GSDME: variants seen among roughly 807,000 people sequenced by gnomAD.
The protein encoded by GSDME is gasdermin E.
In GSDME, 44 loss-of-function variants were observed where a neutral mutation model predicts 47.5. That is an observed-to-expected ratio of 0.93 (90% CI 0.73 to 1.19). The LOEUF (loss-of-function observed/expected upper bound fraction) is 1.19. Among genes scored for constraint, GSDME ranks in the 50% most tolerant of loss-of-function variants. The pLI is 0.00. For missense variants in GSDME, 663 were observed against 604.2 expected (o/e 1.10, Z -1.02); for synonymous variants, 258 against 252.8 (o/e 1.02, Z -0.20).
rs544935761 is a variant in GSDME at position 24,703,036 on chromosome 7, T to C, written c.1184-203A>G. Reference sequence around the variant, plus strand: ...TAGAAAACAGATGTAGGAACCCAGCTGCCAGCTCTGCATTCCACAGAGGAT... The same window carrying C: ...TAGAAAACAGATGTAGGAACCCAGCCGCCAGCTCTGCATTCCACAGAGGAT... On this transcript the variant is annotated intron_variant, in intron 8 of 9. Transcript: ENST00000645220. The C allele has an allele frequency of 2.1e-5, 11 of 513,562 alleles. No homozygotes were observed. In the East Asian group the frequency reaches 3.8e-4, roughly 18 times the overall value. 31.8% of individuals were successfully genotyped at this position (513,562 alleles called of 1,614,324 possible).
At position 24,736,877 on chromosome 7, in the gene GSDME, C is replaced by G. The variant is rs1465852113; in HGVS notation, c.404+7685G>C. Among the ~76,000 whole-genome samples the G allele has an allele frequency of 6.6e-6, 1 of 152,078 alleles. No homozygotes were observed. The highest frequency in any genetic ancestry group is 1.9e-4 in the East Asian group (1 of 5,196). On this transcript the variant is annotated intron_variant, in intron 3 of 9. Transcript: ENST00000645220. The surrounding 1 kb of genome is among the most constrained non-coding windows in gnomAD (Gnocchi z 4.6). ...AACAAGGGGAATTTGTGAAACTATG[C>G]AAATACATGGAAATTAAACAACATG...
At position 24,702,745 on chromosome 7, in the gene GSDME, T is replaced by G; in HGVS notation, c.1257+15A>C. The G allele has an allele frequency of 6.2e-7, 1 of 1,611,614 alleles. No individual in the cohort carries two copies. Among genetic ancestry groups the G allele is most frequent in the African/African-American group, 1.3e-5 (1 of 75,020 alleles). On this transcript the variant is annotated intron_variant, in intron 9 of 9. Coordinates refer to ENST00000645220, the MANE Select transcript of GSDME (RefSeq NM_001127453.2). ...TTCCTATCCATTCTAAGGTCCCACC[T>G]GGGAGGTTGCTTACCAAGTGGCACA...
intron 1 of GSDME, among the ~76,000 whole-genome samples, chr7:24,753,278 TC>T (rs1790913680): frequency 6.6e-6 from 1 of 152,198 alleles, no homozygotes; most frequent in Non-Finnish European, 1.5e-5. Flanking sequence ...TTCACTCCTC[TC>T]CCCTTCAGCC....
intron 7 of GSDME, among the ~76,000 whole-genome samples, chr7:24,706,676 A>G (rs1789121480): frequency 6.6e-6 from 1 of 152,220 alleles, no homozygotes; most frequent in Admixed American, 6.5e-5. Context: ...GTGGTTACAC[A>G]CAGAACTGGG....
At chr7:24,752,874 A>G (rs1790900363) in intron 1 of GSDME, among the ~76,000 whole-genome samples, 1 of 152,232 alleles carries the variant, frequency 6.6e-6, no homozygotes, top group Non-Finnish European at 1.5e-5. Context: ...CAGGCTTGCC[A>G]TTAAAAAACA....
chr7:24,737,223 T>A (rs1229090284), intron 3 of GSDME, among the ~76,000 whole-genome samples: 2 of 151,794 alleles, frequency 1.3e-5, no homozygotes, highest in African/African-American at 2.4e-5. Flanking sequence ...TTTGTTTTTT[T>A]AAAAAGATAA....
At chr7:24,748,159 TATATA>T (rs1562714860) in intron 2 of GSDME, among the ~76,000 whole-genome samples, 43 of 118,500 alleles carry the variant, frequency 3.6e-4, no homozygotes, top group African/African-American at 1.2e-3. Context: ...TATATATATA[TATATA>T]TATATTTTTT....
Position 24,756,904 on chromosome 7 carries a change from G to C in GSDME, c.-20+492C>G, listed in dbSNP as rs985954897. Among the ~76,000 whole-genome samples, 4 of 152,090 alleles carry C rather than the reference G, an allele frequency of 2.6e-5. No individual in the cohort carries two copies. Among genetic ancestry groups the C allele is most frequent in the African/African-American group, 9.7e-5 (4 of 41,414 alleles). On this transcript the variant is annotated intron_variant, in intron 1 of 9. Coordinates refer to ENST00000645220, the MANE Select transcript of GSDME (RefSeq NM_001127453.2). The surrounding 1 kb of genome is among the most constrained non-coding windows in gnomAD (Gnocchi z 4.2). ...GCAAAGTGGAGGGGGACTTTTTTCC[G>C]TCCAGAGAGACTGAACTCCGTATCT...
At chr7:24,794,995 A>T in the GSDME span, among the ~76,000 whole-genome samples, 3 of 152,160 alleles carry the variant, frequency 2.0e-5, no homozygotes, top group African/African-American at 7.2e-5. Context: ...AGTCAAAATC[A>T]AAACCAAAAC....
At position 24,735,716 on chromosome 7, in the gene GSDME, C is replaced by G. The variant is rs1790282604; in HGVS notation, c.404+8846G>C. Among the ~76,000 whole-genome samples the G allele has an allele frequency of 6.6e-6, 1 of 151,756 alleles. No individual in the cohort carries two copies. The highest frequency in any genetic ancestry group is 1.5e-5 in the Non-Finnish European group (1 of 67,982). ...GAGGTTGCGATGAGCCGAGATTGCA[C>G]CACTGCACTCCAGCCTGGGTGACAA... On this transcript the variant is annotated intron_variant, in intron 3 of 9. Coordinates refer to ENST00000645220, the MANE Select transcript of GSDME (RefSeq NM_001127453.2). The surrounding 1 kb of genome is among the most constrained non-coding windows in gnomAD (Gnocchi z 4.4).
At chr7:24,730,157 G>C (rs942170411) in intron 3 of GSDME, among the ~76,000 whole-genome samples, 13 of 152,202 alleles carry the variant, frequency 8.5e-5, no homozygotes, top group Non-Finnish European at 1.6e-4. Flanking sequence ...TTGAGTCTCT[G>C]TGTCAAACAC....
chr7:24,772,480 G>A, the GSDME span, among the ~76,000 whole-genome samples: 1 of 152,200 alleles, frequency 6.6e-6, no homozygotes, highest in Non-Finnish European at 1.5e-5. This position sits in a 1 kb window ranked among gnomAD's most constrained non-coding sequence, Gnocchi z 4.5. Context: ...GCTCACTGCT[G>A]TGTCCTCAGT....
Position 24,714,242 on chromosome 7 carries a change from A to G in GSDME, c.697+3012T>C, listed in dbSNP as rs1789460027. ...CATGGCTGAAGCACCTGGCCGGGAT[A>G]CAGATGGAGTCTGCCTCCCTTCGAG... On this transcript the variant is annotated intron_variant, in intron 5 of 9. Coordinates refer to ENST00000645220, the MANE Select transcript of GSDME (RefSeq NM_001127453.2). This position sits in a 1 kb window ranked among gnomAD's most constrained non-coding sequence, Gnocchi z 5.0. Among the ~76,000 whole-genome samples, 1 of 152,192 alleles carries G rather than the reference A, an allele frequency of 6.6e-6. No individual in the cohort carries two copies. The highest frequency in any genetic ancestry group is 1.5e-5 in the Non-Finnish European group (1 of 68,036).
rs1027667187 is a variant in GSDME at position 24,724,254 on chromosome 7, T to C, written c.405-5036A>G. ...TGGAGGACAAAGTACTTGCTCTTTTTATTGGTGCCTAGCCCTGTGCTATCC... is the reference window on the plus strand; with the variant it reads ...TGGAGGACAAAGTACTTGCTCTTTTCATTGGTGCCTAGCCCTGTGCTATCC... On this transcript the variant is annotated intron_variant, in intron 3 of 9. Transcript: ENST00000645220. This position sits in a 1 kb window ranked among gnomAD's most constrained non-coding sequence, Gnocchi z 4.8. 1.3e-5 allele frequency among the ~76,000 whole-genome samples: 2 copies of C among 152,118 alleles called. No individual in the cohort carries two copies. Among genetic ancestry groups the C allele is most frequent in the African/African-American group, 4.8e-5 (2 of 41,400 alleles).
the GSDME span, among the ~76,000 whole-genome samples, chr7:24,791,947 G>T: frequency 6.6e-6 from 1 of 152,236 alleles, no homozygotes; most frequent in African/African-American, 2.4e-5. The surrounding 1 kb of genome is among the most constrained non-coding windows in gnomAD (Gnocchi z 4.8). Context: ...CCCACAGGGT[G>T]CTGGACTTTG....
the GSDME span, among the ~76,000 whole-genome samples, chr7:24,786,520 A>G: frequency 6.6e-6 from 1 of 152,168 alleles, no homozygotes; most frequent in African/African-American, 2.4e-5. The surrounding 1 kb of genome is among the most constrained non-coding windows in gnomAD (Gnocchi z 5.5). Context: ...GGTTGTTGTG[A>G]GGCTTTCGGA....
chr7:24,766,290 C>CTTTATTTATTTA, the GSDME span, among the ~76,000 whole-genome samples: 96 of 150,370 alleles, frequency 6.4e-4, no homozygotes, highest in African/African-American at 2.3e-3. The surrounding 1 kb of genome is among the most constrained non-coding windows in gnomAD (Gnocchi z 4.2). Context: ...CTGCACAACA[C>CTTTATTTATTTA]TTTATTTATT....
rs1181563131 is a variant in GSDME at position 24,721,764 on chromosome 7, A to C, written c.405-2546T>G. On this transcript the variant is annotated intron_variant, in intron 3 of 9. Transcript: ENST00000645220. The surrounding 1 kb of genome is among the most constrained non-coding windows in gnomAD (Gnocchi z 4.1). Reference sequence around the variant, plus strand: ...GTTTCCACATCACTCCCTTCTTAAAAGCCTTCAATGGCTATATCCCATGTC... The same window carrying C: ...GTTTCCACATCACTCCCTTCTTAAACGCCTTCAATGGCTATATCCCATGTC... Among the ~76,000 whole-genome samples the C allele has an allele frequency of 6.6e-6, 1 of 152,192 alleles. No homozygotes were observed. The highest frequency in any genetic ancestry group is 6.5e-5 in the Admixed American group (1 of 15,288).
chr7:24,713,596 G>C (rs912082731), intron 5 of GSDME, among the ~76,000 whole-genome samples: 9 of 152,204 alleles, frequency 5.9e-5, no homozygotes, highest in African/African-American at 9.6e-5. Flanking sequence ...CCAGACCTCA[G>C]TGAGATCACG....
Sources: gnomAD v4.1 joint callset for allele counts (sites outside exome capture counted in the v4.1 genomes callset) on GRCh38, gnomAD v4.1.1 for gene constraint, Gnocchi (gnomAD v3.1) non-coding constraint, MANE v1.5 for transcripts, NCBI Gene and HGNC (gene_info 2026-07-23, HGNC 2026-07-21) for gene names.